The following AP3M1 variants were observed in gnomAD, a reference collection of about 807,000 sequenced individuals.
The protein encoded by AP3M1 is AP-3 complex subunit mu-1.
In AP3M1, 29 loss-of-function variants were observed where a neutral mutation model predicts 42.6. The ratio of observed to expected loss-of-function variants is 0.68; its 90% confidence interval spans 0.51 to 0.93. The LOEUF (loss-of-function observed/expected upper bound fraction) is 0.93. AP3M1 is among the 40% of genes least tolerant of loss of function. The pLI is 0.00. For synonymous variants in AP3M1, 178 were observed against 175.3 expected, an observed-to-expected ratio of 1.02 and a Z score of -0.12; for missense variants, 416 against 510.2, an observed-to-expected ratio of 0.82 and a Z score of 1.78.
Position 74,121,139 on chromosome 10 carries a change from G to A in AP3M1, c.*2671C>T, listed in dbSNP as rs1840442227. On this transcript the variant is annotated 3_prime_UTR_variant, in exon 9 of 9. Transcript: ENST00000355264. Reference sequence around the variant, plus strand: ...CAGATTCCAGCCTGCTTGAGTTAAGGGAAAGGCCAAGGCTGCTACTGAATT... The same window carrying A: ...CAGATTCCAGCCTGCTTGAGTTAAGAGAAAGGCCAAGGCTGCTACTGAATT... 1 of 152,178 alleles carries A rather than the reference G, an allele frequency of 6.6e-6. No homozygotes were observed. Among genetic ancestry groups the A allele is most frequent in the South Asian group, 2.1e-4 (1 of 4,832 alleles). 9.4% of individuals were successfully genotyped at this position (152,178 alleles called of 1,614,324 possible). A position where few individuals can be genotyped will look rare whatever the true frequency, so the allele number is the denominator to read the frequency against.
chr10:74,130,685 C>T (rs1240514745), intron 4 of AP3M1, among the ~76,000 whole-genome samples: 21 of 152,060 alleles, frequency 1.4e-4, no homozygotes, highest in Admixed American at 2.0e-4. Context: ...TCAAGCAATC[C>T]GCCTACCTTA....
chr10:74,136,601 C>T (rs200303222), intron 3 of AP3M1, 31 bp downstream of exon 3: 5 of 1,427,890 alleles, frequency 3.5e-6, no homozygotes, highest in Non-Finnish European at 3.7e-6. Context: ...TTTAATTGCT[C>T]AGTTACTAGC....
chr10:74,133,112 G>A (rs1054786160), intron 4 of AP3M1, among the ~76,000 whole-genome samples: 13 of 152,064 alleles, frequency 8.5e-5, no homozygotes, highest in African/African-American at 3.1e-4. Context: ...AAATTAGCCA[G>A]GGCCGGGAGC....
Position 74,128,100 on chromosome 10 carries a change from T to TAAA in AP3M1, c.803+1005_803+1007dup, listed in dbSNP as rs754897677. Reference sequence around the variant, plus strand: ...GAGCAACAAGAGCCAAACTCCGGCTTAAAAAAAAAAAAAAAAAAAAAAAAG... The same window carrying TAAA: ...GAGCAACAAGAGCCAAACTCCGGCTTAAAAAAAAAAAAAAAAAAAAAAAAAAAG... On this transcript the variant is annotated intron_variant, in intron 6 of 8. Transcript: ENST00000355264. 7.2e-3 allele frequency among the ~76,000 whole-genome samples: 494 copies of TAAA among 68,402 alleles called. 9 individuals are homozygous for TAAA. The highest frequency in any genetic ancestry group is 0.03 in the African/African-American group (471 of 15,644). The allele number at this position is 68,402 out of a possible 152,430, so 44.9% of individuals were successfully genotyped here.
chr10:74,123,845 C>T lies in AP3M1; in HGVS notation c.1222G>A (p.Val408Ile), dbSNP rs34886205. ...ACTTGGAACTTTCCAGCTTTCGTGA[C>T]GTATTTGACTCCTTTAAATGGCTTA... ...KYKPFKGVKY[V>I]TKAGKFQVRT The change falls in exon 9 of 9, where the codon GTC (valine) becomes ATC (isoleucine). Residue 408 changes from valine to isoleucine, a missense_variant. Physicochemically the swap from Val to Ile is conservative, Grantham distance 29. Transcript: ENST00000355264. The T allele has an allele frequency of 4.6e-5, 74 of 1,614,016 alleles. No homozygotes were observed. Among genetic ancestry groups the T allele is most frequent in the East Asian group, 1.3e-4 (6 of 44,886 alleles).
intron 1 of AP3M1, among the ~76,000 whole-genome samples, chr10:74,145,575 A>G (rs910751119): frequency 1.3e-5 from 2 of 152,086 alleles, no homozygotes; most frequent in African/African-American, 4.8e-5. Flanking sequence ...AGCTGCAGTT[A>G]TTTTTTTAAT....
intron 6 of AP3M1, chr10:74,128,804 T>G: frequency 4.4e-6 from 1 of 225,128 alleles, no homozygotes. Flanking sequence ...AGTGCCATAA[T>G]TTGACCATGC....
At chr10:74,139,227 A>T (rs1470564007) in intron 1 of AP3M1, among the ~76,000 whole-genome samples, 1 of 152,062 alleles carries the variant, frequency 6.6e-6, no homozygotes, top group Admixed American at 6.5e-5. Flanking sequence ...CACAAAAAAA[A>T]ACCTATTAGA....
chr10:74,127,243 T>G (rs1840645801), intron 6 of AP3M1, among the ~76,000 whole-genome samples: 1 of 151,726 alleles, frequency 6.6e-6, no homozygotes, highest in African/African-American at 2.4e-5. Flanking sequence ...AACTGCAGAT[T>G]CAGTATCTAC....
At chr10:74,136,861 A>G in intron 2 of AP3M1, 58 bp from the exon 3 acceptor site, 1 of 1,204,132 alleles carries the variant, frequency 8.3e-7, no homozygotes, top group Non-Finnish European at 1.1e-6. Flanking sequence ...GGCCTGCTAA[A>G]TACTTTTTGT....
chr10:74,123,484 CTT>C lies in AP3M1; in HGVS notation c.*324_*325del, dbSNP rs1840527853. On this transcript the variant is annotated 3_prime_UTR_variant, in exon 9 of 9. Transcript: ENST00000355264. Reference sequence around the variant, plus strand: ...TTCTGCTGGATGAGACCAGTTAACTCTTTTAGGAGAGAGGTTATCACTACAGC... The same window carrying C: ...TTCTGCTGGATGAGACCAGTTAACTCTTAGGAGAGAGGTTATCACTACAGC... The C allele has an allele frequency of 3.4e-6, 1 of 292,100 alleles. No individual in the cohort carries two copies. Among genetic ancestry groups the C allele is most frequent in the Admixed American group, 4.8e-5 (1 of 20,950 alleles). The allele number at this position is 292,100 out of a possible 1,614,324, so 18.1% of individuals were successfully genotyped here.
rs539201391 is a variant in AP3M1 at position 74,147,315 on chromosome 10, GTTGAT to G, written c.-4+3435_-4+3439del. ...CAACAAAAAAGAATTGAAAATGTCT[GTTGAT>G]TTAAGAGTGTTTTTTAAACTTTCTT... On this transcript the variant is annotated intron_variant, in intron 1 of 8. Transcript: ENST00000355264. 7.2e-5 allele frequency among the ~76,000 whole-genome samples: 11 copies of G among 152,258 alleles called. 1 individual carries two copies. The South Asian group carries it at 8.3e-4, about 11-fold the overall frequency.
intron 1 of AP3M1, among the ~76,000 whole-genome samples, chr10:74,141,877 T>A (rs1038538885): frequency 1.2e-4 from 10 of 84,750 alleles, no homozygotes; most frequent in Non-Finnish European, 2.1e-4. Flanking sequence ...CACACCTGGC[T>A]AGTTTTTTTT....
intron 4 of AP3M1, among the ~76,000 whole-genome samples, chr10:74,131,705 T>C (rs1398495959): frequency 6.6e-6 from 1 of 151,790 alleles, no homozygotes; most frequent in Non-Finnish European, 1.5e-5. Flanking sequence ...CATGCCTAGC[T>C]AATCTTTTAA....
chr10:74,147,256 G>C (rs1231017690), intron 1 of AP3M1, among the ~76,000 whole-genome samples: 1 of 151,364 alleles, frequency 6.6e-6, no homozygotes, highest in Non-Finnish European at 1.5e-5. Flanking sequence ...CTGCACTCTA[G>C]CCTGGATGAC....
At chr10:74,123,935 A>C in intron 8 of AP3M1, 25 bp from the exon 9 acceptor site, 5 of 1,577,102 alleles carry the variant, frequency 3.2e-6, no homozygotes, top group Non-Finnish European at 4.4e-6. Flanking sequence ...ATGAAAAAGA[A>C]TAAATTATCA....
chr10:74,126,395 C>G lies in AP3M1; in HGVS notation c.804-40G>C, dbSNP rs370775197. On this transcript the variant is annotated intron_variant, in intron 6 of 8. Transcript: ENST00000355264. The stretch of plus-strand genomic sequence containing the variant: ...AGAGAAAGATACAAAAGCACAAACA[C>G]AATTAATGGTGTGGGGAGAGCTCCA... 206 of 1,548,698 alleles carry G rather than the reference C, an allele frequency of 1.3e-4. 1 individual carries two copies. Among genetic ancestry groups the G allele is most frequent in the Non-Finnish European group, 1.7e-4 (196 of 1,126,582 alleles).
At chr10:74,143,211 C>T (rs886247654) in intron 1 of AP3M1, among the ~76,000 whole-genome samples, 1 of 152,224 alleles carries the variant, frequency 6.6e-6, no homozygotes, top group African/African-American at 2.4e-5. Flanking sequence ...ATTAGCCGGG[C>T]ATGGTGGCGT....
In AP3M1 at chr10:74,122,082, T is replaced by C. The variant is rs1840481330; in HGVS notation, c.*1728A>G. On this transcript the variant is annotated 3_prime_UTR_variant, in exon 9 of 9. Coordinates refer to ENST00000355264, the MANE Select transcript of AP3M1 (RefSeq NM_012095.6). ...TCAAGACATTAAAAATAAAAAGCAA[T>C]TGAACCGGGTAGCCAAACTTAGGCA... 6.6e-6 allele frequency: 1 copy of C among 152,108 alleles called. No individual in the cohort carries two copies. Among genetic ancestry groups the C allele is most frequent in the African/African-American group, 2.4e-5 (1 of 41,408 alleles). 9.4% of individuals were successfully genotyped at this position (152,108 alleles called of 1,614,324 possible). A position where few individuals can be genotyped will look rare whatever the true frequency, so the allele number is the denominator to read the frequency against.
Sources: gnomAD v4.1 joint callset for allele counts (sites outside exome capture counted in the v4.1 genomes callset) on GRCh38, gnomAD v4.1.1 for gene constraint, MANE v1.5 for transcripts, NCBI Gene and HGNC (gene_info 2026-07-23, HGNC 2026-07-21) for gene names.